Variants in TENM2 observed in about 807,000 individuals in gnomAD.
The protein encoded by TENM2 is teneurin transmembrane protein 2, also known as teneurin-2.
In TENM2, 52 loss-of-function variants were observed where a neutral mutation model predicts 245.2. The observed-to-expected ratio is 0.21, with a 90% CI of 0.17 to 0.27. The LOEUF (loss-of-function observed/expected upper bound fraction) is 0.27, where lower values mean the gene tolerates loss of function less well. TENM2 is among the 10% of genes least tolerant of loss of function. TENM2 has a pLI of 1.00. For missense variants in TENM2, 3,046 were observed against 3,666.8 expected (o/e 0.83, Z 4.37); for synonymous variants, 1,363 against 1,438.9 (o/e 0.95, Z 1.19).
At chr5:167,416,289 G>A (rs545296001) in intron 2 of TENM2, among the ~76,000 whole-genome samples, 3 of 152,178 alleles carry the variant, frequency 2.0e-5, no homozygotes, top group South Asian at 4.2e-4. Context: ...TGAAGATAAC[G>A]TTACTTTGGG....
At chr5:167,692,695 AG>A (rs2150409658) in intron 2 of TENM2, among the ~76,000 whole-genome samples, 1 of 152,318 alleles carries the variant, frequency 6.6e-6, no homozygotes, top group African/African-American at 2.4e-5. Flanking sequence ...CCAATAAGGT[AG>A]GGAGACCCAG....
chr5:167,359,721 G>C (rs149817333), intron 1 of TENM2, among the ~76,000 whole-genome samples: 75 of 152,112 alleles, frequency 4.9e-4, no homozygotes, highest in African/African-American at 1.8e-3. Flanking sequence ...CAAGTCTTTA[G>C]TCCATATTGA....
chr5:167,469,010 C>A (rs1022211628), intron 2 of TENM2, among the ~76,000 whole-genome samples: 7 of 152,112 alleles, frequency 4.6e-5, no homozygotes, highest in Non-Finnish European at 1.5e-5. Context: ...TATTTTAATT[C>A]TAACTTTGTT....
At chr5:167,179,565 G>A in the TENM2 span, among the ~76,000 whole-genome samples, 33 of 152,192 alleles carry the variant, frequency 2.2e-4, no homozygotes, top group African/African-American at 7.9e-4. Context: ...TGGTGGCGTA[G>A]GTTTCTTGAG....
At chr5:167,688,788 C>T (rs1368199620) in intron 2 of TENM2, among the ~76,000 whole-genome samples, 2 of 152,104 alleles carry the variant, frequency 1.3e-5, no homozygotes, top group African/African-American at 2.4e-5. Flanking sequence ...AAATAAACAC[C>T]ATCTGTTAGT....
intron 12 of TENM2, among the ~76,000 whole-genome samples, chr5:168,149,225 C>T (rs374088471): frequency 6.6e-6 from 1 of 152,122 alleles, no homozygotes; most frequent in African/African-American, 2.4e-5. Context: ...TGGTTCTCTC[C>T]GCGTCTCCAC....
intron 2 of TENM2, among the ~76,000 whole-genome samples, chr5:167,558,295 GT>G (rs1367488903): frequency 2.0e-4 from 31 of 152,338 alleles, no homozygotes; most frequent in African/African-American, 7.2e-4. Context: ...AGTCACAGAA[GT>G]TTATTTTAAT....
At chr5:167,230,587 A>G in the TENM2 span, among the ~76,000 whole-genome samples, 1 of 152,166 alleles carries the variant, frequency 6.6e-6, no homozygotes, top group South Asian at 2.1e-4. Flanking sequence ...CATCAGAATC[A>G]TCAGTAGATA....
At chr5:167,452,342 G>A (rs1051566488) in intron 2 of TENM2, among the ~76,000 whole-genome samples, 3 of 152,122 alleles carry the variant, frequency 2.0e-5, no homozygotes, top group Non-Finnish European at 4.4e-5. Flanking sequence ...TCTCACTAGT[G>A]CATTATACGC....
Position 167,914,219 on chromosome 5 carries a change from T to TA in TENM2, c.712+38029dup, listed in dbSNP as rs1018655949. On this transcript the variant is annotated intron_variant, in intron 3 of 28. Coordinates refer to ENST00000518659, the Ensembl canonical transcript of TENM2. The stretch of plus-strand genomic sequence containing the variant: ...GCAAATTACCACAGTGATGTGGCTT[T>TA]AAAAACACACATTTATTATCTGAGA... 1.2e-4 allele frequency among the ~76,000 whole-genome samples: 18 copies of TA among 152,338 alleles called. No individual in the cohort carries two copies. In the East Asian group the frequency reaches 2.5e-3, roughly 21 times the overall value.
At chr5:168,150,598 T>C (rs2152423819) in intron 12 of TENM2, among the ~76,000 whole-genome samples, 1 of 152,356 alleles carries the variant, frequency 6.6e-6, no homozygotes, top group South Asian at 2.1e-4. Context: ...GAAATGGCCA[T>C]TCAGTAATTC....
intron 2 of TENM2, among the ~76,000 whole-genome samples, chr5:167,458,927 T>C (rs1181981613): frequency 2.0e-5 from 3 of 152,206 alleles, no homozygotes; most frequent in African/African-American, 7.2e-5. Flanking sequence ...TGAAATACTG[T>C]TTGCATTAAA....
At chr5:167,662,045 G>A (rs1009936036) in intron 2 of TENM2, among the ~76,000 whole-genome samples, 1 of 152,182 alleles carries the variant, frequency 6.6e-6, no homozygotes, top group Non-Finnish European at 1.5e-5. Flanking sequence ...CTATGGAGTA[G>A]GCAGAGACTG....
At chr5:168,261,098 G>C (rs140487047) in intron 28 of TENM2, among the ~76,000 whole-genome samples, 1 of 152,122 alleles carries the variant, frequency 6.6e-6, no homozygotes, top group African/African-American at 2.4e-5. Flanking sequence ...TGAGAACAGC[G>C]TTCACTCAGT....
intron 2 of TENM2, among the ~76,000 whole-genome samples, chr5:167,465,694 G>A (rs1011171098): frequency 6.6e-6 from 1 of 152,192 alleles, no homozygotes; most frequent in African/African-American, 2.4e-5. Context: ...AGCCGGGCTT[G>A]GTGGCGGGCG....
intron 2 of TENM2, among the ~76,000 whole-genome samples, chr5:167,481,595 C>A (rs1309145618): frequency 2.0e-5 from 3 of 152,050 alleles, no homozygotes; most frequent in African/African-American, 7.2e-5. Context: ...AACTCGACAG[C>A]GTTTCAAGTG....
the TENM2 span, among the ~76,000 whole-genome samples, chr5:167,162,766 C>T: frequency 2.0e-4 from 31 of 152,216 alleles, no homozygotes; most frequent in Middle Eastern, 3.4e-3. Context: ...ACCAATCCTA[C>T]CAGAAAGAAA....
the TENM2 span, among the ~76,000 whole-genome samples, chr5:167,241,508 G>A: frequency 6.6e-6 from 1 of 152,210 alleles, no homozygotes; most frequent in Non-Finnish European, 1.5e-5. Context: ...CAGGCAAAGA[G>A]AGAGGATGAA....
At chr5:167,026,513 C>T in the TENM2 span, among the ~76,000 whole-genome samples, 1 of 152,168 alleles carries the variant, frequency 6.6e-6, no homozygotes, top group Non-Finnish European at 1.5e-5. Context: ...TGATATACCT[C>T]TCACACTTCT....
Sources: gnomAD v4.1 joint callset for allele counts (sites outside exome capture counted in the v4.1 genomes callset) on GRCh38, gnomAD v4.1.1 for gene constraint, MANE v1.5 for transcripts, NCBI Gene and HGNC (gene_info 2026-07-23, HGNC 2026-07-21) for gene names.